Variants in XPOT observed in about 807,000 individuals in gnomAD.
XPOT encodes exportin for tRNA, also known as exportin-T.
In XPOT, 34 loss-of-function variants were observed where a neutral mutation model predicts 128.2. That is an observed-to-expected ratio of 0.27 (90% confidence interval 0.20 to 0.35). The LOEUF (loss-of-function observed/expected upper bound fraction) is 0.35, where lower values mean the gene tolerates loss of function less well. XPOT is among the 10% of genes least tolerant of loss of function. The pLI is 1.00. For synonymous variants in XPOT, 348 were observed against 394.3 expected, an observed-to-expected ratio of 0.88 and a Z score of 1.39; for missense variants, 838 against 1,125.3, an observed-to-expected ratio of 0.74 and a Z score of 3.65.
chr12:64,424,232 T>C (rs981726192), intron 11 of XPOT, among the ~76,000 whole-genome samples: 1 of 152,240 alleles, frequency 6.6e-6, no homozygotes, highest in Non-Finnish European at 1.5e-5. Flanking sequence ...ATTCTAGTGC[T>C]AGAGTATTGT....
At position 64,420,519 on chromosome 12, in the gene XPOT, C is replaced by A. The variant is rs774442574; in HGVS notation, c.841C>A (p.Gln281Lys). ...GTCTGCTGGGTTTTTCAGCATTGAC[C>A]AGGTTGGTAAATTTATATAAAACAT... Reference protein sequence around the residue: ...LQSAGFFSIDQEEDVDFLARF... With the variant: ...LQSAGFFSIDKEEDVDFLARF... The change falls in exon 8 of 25, where the codon CAG (glutamine) becomes AAG (lysine). Residue 281 changes from glutamine to lysine, a missense_variant and splice_region_variant. Gln to Lys is a moderately conservative substitution (Grantham distance 53). This residue lies in a region of XPOT where 761 missense variants were observed against 988.3 expected (regional missense o/e 0.77). Coordinates refer to ENST00000332707, the MANE Select transcript of XPOT (RefSeq NM_007235.6). 2 of 1,605,312 alleles carry A rather than the reference C, an allele frequency of 1.2e-6. No individual in the cohort carries two copies. Among genetic ancestry groups the A allele is most frequent in the Admixed American group, 3.4e-5 (2 of 58,182 alleles).
At chr12:64,432,620 G>A (rs559015280) in intron 18 of XPOT, among the ~76,000 whole-genome samples, 2 of 152,228 alleles carry the variant, frequency 1.3e-5, no homozygotes, top group Admixed American at 1.3e-4. Flanking sequence ...ACCTACCCTA[G>A]AAGACAGGGA....
chr12:64,427,656 G>T (rs1392216705), intron 15 of XPOT, among the ~76,000 whole-genome samples: 3 of 151,810 alleles, frequency 2.0e-5, no homozygotes, highest in African/African-American at 7.3e-5. Context: ...GACGATGGCC[G>T]GCTAATTTTT....
intron 13 of XPOT, 58 bp from the exon 14 acceptor site, chr12:64,425,280 G>A (rs1049739851): frequency 1.1e-5 from 17 of 1,609,180 alleles, no homozygotes; most frequent in Middle Eastern, 1.7e-4. Flanking sequence ...TGTTAATACC[G>A]GGGCATTTTG....
rs1308547441 is a variant in XPOT, at chr12:64,434,901, A to G, written c.2677A>G (p.Thr893Ala). 1.2e-6 allele frequency: 2 copies of G among 1,612,440 alleles called. No homozygotes were observed. Among genetic ancestry groups the G allele is most frequent in the South Asian group, 2.2e-5 (2 of 91,008 alleles). Residue 893 changes from threonine to alanine, a missense_variant, in exon 21 of 25, where the codon ACA becomes GCA. Physicochemically the swap from Thr to Ala is moderately conservative, Grantham distance 58 (BLOSUM62 0). Around this residue, in one of 3 missense-constraint regions of XPOT, gnomAD observed 56 missense variants for 79.2 expected, o/e 0.71. Transcript: ENST00000332707. ...KQTFDLADAQ[T>A]VLALSECAVT... is the part of the protein sequence containing the mutation. Reference sequence around the variant, plus strand: ...AACCTTTGACCTGGCAGATGCACAAACAGTATTGGTAAGCACCTAGGAATC... The same window carrying G: ...AACCTTTGACCTGGCAGATGCACAAGCAGTATTGGTAAGCACCTAGGAATC...
intron 2 of XPOT, among the ~76,000 whole-genome samples, chr12:64,412,331 T>A (rs997378561): frequency 1.1e-4 from 16 of 152,170 alleles, no homozygotes; most frequent in African/African-American, 3.9e-4. Flanking sequence ...AGCCTCCTCC[T>A]TTTTAAAAAA....
chr12:64,430,342 C>T, intron 17 of XPOT, 55 bp downstream of exon 17: 1 of 1,370,864 alleles, frequency 7.3e-7, no homozygotes, highest in South Asian at 1.6e-5. Context: ...CAGACAGAAC[C>T]ACTTGTTTGG....
chr12:64,418,692 ACTT>A (rs1179495880), intron 5 of XPOT, among the ~76,000 whole-genome samples, 181 bp from the exon 6 acceptor site: 1 of 152,176 alleles, frequency 6.6e-6, no homozygotes, highest in East Asian at 1.9e-4. Flanking sequence ...CTGGTCAATC[ACTT>A]AAATACTTTT....
intron 11 of XPOT, among the ~76,000 whole-genome samples, chr12:64,423,833 CTTTATAT>C (rs1212107232): frequency 6.6e-6 from 1 of 152,070 alleles, no homozygotes; most frequent in Non-Finnish European, 1.5e-5. Context: ...TCATATTTCA[CTTTATAT>C]TTTGTAAGAA....
At position 64,428,112 on chromosome 12, in the gene XPOT, T is replaced by C; in HGVS notation, c.1729T>C (p.Ser577Pro). 6.4e-7 allele frequency: 1 copy of C among 1,556,280 alleles called. No individual in the cohort carries two copies. Among genetic ancestry groups the C allele is most frequent in the Non-Finnish European group, 8.9e-7 (1 of 1,129,814 alleles). ...LNRIQDLLELSPPENGHQSLL... is the reference protein window; with the variant it reads ...LNRIQDLLELPPPENGHQSLL... Reference sequence around the variant, plus strand: ...TAGAATACAAGATTTATTAGAGCTTTCTCCACCTGTAAGTATCTGTCTCTT... The same window carrying C: ...TAGAATACAAGATTTATTAGAGCTTCCTCCACCTGTAAGTATCTGTCTCTT... The change falls in exon 16 of 25, where the codon TCT (serine) becomes CCT (proline). Residue 577 changes from serine (S) to proline (P), a missense_variant. Physicochemically the swap from Ser to Pro is moderately conservative, Grantham distance 74. Coordinates refer to ENST00000332707, the MANE Select transcript of XPOT (RefSeq NM_007235.6).
At chr12:64,430,330 CACAG>C (rs2040228771) in intron 17 of XPOT, 43 bp downstream of exon 17, 6 of 1,441,442 alleles carry the variant, frequency 4.2e-6, no homozygotes, top group Admixed American at 2.4e-5. Context: ...CATGTATCTA[CACAG>C]ACAGAACCAC....
At position 64,420,514 on chromosome 12, in the gene XPOT, T is replaced by C. The variant is rs200556070; in HGVS notation, c.836T>C (p.Ile279Thr). Residue 279 changes from isoleucine to threonine, a missense_variant, in exon 8 of 25, where the codon ATT becomes ACT. Transcript: ENST00000332707. Reference protein sequence around the residue: ...QVLQSAGFFSIDQEEDVDFLA... With the variant: ...QVLQSAGFFSTDQEEDVDFLA... ...TTACAGTCTGCTGGGTTTTTCAGCA[T>C]TGACCAGGTTGGTAAATTTATATAA... 26 of 1,607,000 alleles carry C rather than the reference T, an allele frequency of 1.6e-5. No homozygotes were observed. The African/African-American group carries it at 2.1e-4, about 13-fold the overall frequency.
Position 64,425,256 on chromosome 12 carries a change from T to C in XPOT, c.1452+74T>C. On this transcript the variant is annotated intron_variant, in intron 13 of 24. Transcript: ENST00000332707. The stretch of plus-strand genomic sequence containing the variant: ...AAGCTAATGGGAGTTCCTTAATTGT[T>C]AGAGCTTAGTATATGTTAATACCGG... The C allele has an allele frequency of 1.2e-5, 20 of 1,608,504 alleles. No individual in the cohort carries two copies. In the South Asian group the frequency reaches 2.1e-4, roughly 17 times the overall value.
At chr12:64,426,070 C>T (rs373990222) in intron 15 of XPOT, among the ~76,000 whole-genome samples, 161 bp downstream of exon 15, 83 of 152,148 alleles carry the variant, frequency 5.5e-4, no homozygotes, top group African/African-American at 2.0e-3. Context: ...ATAATCCCAA[C>T]ACTCTGGGAG....
intron 11 of XPOT, among the ~76,000 whole-genome samples, chr12:64,424,305 T>C (rs1381282807): frequency 6.6e-6 from 1 of 152,210 alleles, no homozygotes; most frequent in Non-Finnish European, 1.5e-5. Flanking sequence ...TGTGCAGAAA[T>C]ACTTATTTGT....
intron 2 of XPOT, among the ~76,000 whole-genome samples, chr12:64,414,587 A>C (rs2040070106): frequency 6.6e-6 from 1 of 152,182 alleles, no homozygotes; most frequent in South Asian, 2.1e-4. Context: ...GCAATTTCTC[A>C]GTAGTATGGC....
intron 2 of XPOT, among the ~76,000 whole-genome samples, chr12:64,412,582 T>C (rs2040048501): frequency 6.6e-6 from 1 of 152,236 alleles, no homozygotes; most frequent in African/African-American, 2.4e-5. Context: ...TATAGCTGCC[T>C]GTGTTCTTAT....
intron 24 of XPOT, among the ~76,000 whole-genome samples, chr12:64,447,891 A>G (rs559287527): frequency 6.6e-6 from 1 of 152,190 alleles, no homozygotes; most frequent in South Asian, 2.1e-4. Context: ...CTACTTCCCC[A>G]GTTGGGTGAT....
At chr12:64,444,971 TTA>T in intron 23 of XPOT, 102 bp from the exon 24 acceptor site, 2 of 749,768 alleles carry the variant, frequency 2.7e-6, no homozygotes, top group Non-Finnish European at 3.8e-6. Context: ...AGACCATCTC[TTA>T]AAAAAAAAAA....
Sources: allele counts gnomAD v4.1 joint callset (sites outside exome capture counted in the v4.1 genomes callset), GRCh38; gene constraint gnomAD v4.1.1; regional missense constraint gnomAD v4.1.1; transcripts MANE v1.5; gene names NCBI Gene and HGNC (gene_info 2026-07-23, HGNC 2026-07-21).